Variants in COL21A1 observed in about 807,000 individuals in gnomAD.
COL21A1 encodes the protein collagen alpha-1(XXI) chain.
A neutral mutation model predicts 137.9 loss-of-function variants in COL21A1; 149 were observed. That is an observed-to-expected ratio of 1.08 (90% CI 0.95 to 1.24). The LOEUF (loss-of-function observed/expected upper bound fraction) is 1.24, where lower values mean the gene tolerates loss of function less well. COL21A1 is among the 50% of genes most tolerant of loss of function. The probability of loss-of-function intolerance (pLI) is 0.00; values close to 1 mark genes in which losing one functional copy is unlikely to be tolerated. For synonymous variants in COL21A1, 456 were observed against 391.5 expected (o/e 1.16, Z -1.95); for missense variants, 1,167 against 1,158.4 (o/e 1.01, Z -0.11).
intron 1 of COL21A1, among the ~76,000 whole-genome samples, chr6:56,279,725 C>T (rs1763750249): frequency 6.6e-6 from 1 of 152,204 alleles, no homozygotes; most frequent in Admixed American, 6.5e-5. Flanking sequence ...ACAACATTGT[C>T]TGTCAGCTTT....
At chr6:56,106,087 G>A in intron 16 of COL21A1, among the ~76,000 whole-genome samples, 1 of 152,116 alleles carries the variant, frequency 6.6e-6, no homozygotes, top group East Asian at 1.9e-4. Flanking sequence ...GGACTTCAAT[G>A]CAACTTCTAT....
intron 1 of COL21A1, among the ~76,000 whole-genome samples, chr6:56,202,855 A>T (rs9475620): frequency 0.022 from 3,290 of 152,292 alleles, 122 homozygotes; most frequent in African/African-American, 0.075. Context: ...AAGAATATAC[A>T]TGTCTATATA....
chr6:56,081,369 G>A (rs1053084394), intron 17 of COL21A1, among the ~76,000 whole-genome samples: 2 of 151,520 alleles, frequency 1.3e-5, no homozygotes, highest in African/African-American at 2.4e-5. Flanking sequence ...CCAACAAGTC[G>A]GCATTGCCCC....
At chr6:56,104,222 C>A (rs1217077104) in intron 16 of COL21A1, among the ~76,000 whole-genome samples, 1 of 152,000 alleles carries the variant, frequency 6.6e-6, no homozygotes, top group African/African-American at 2.4e-5. Flanking sequence ...TCTTTACAAT[C>A]ATTGGAGTAT....
intron 1 of COL21A1, among the ~76,000 whole-genome samples, chr6:56,380,064 G>A (rs2094006322): frequency 6.6e-6 from 1 of 152,178 alleles, no homozygotes; most frequent in African/African-American, 2.4e-5. Flanking sequence ...GGATCCTGGG[G>A]TAGATCCCTC....
intron 17 of COL21A1, among the ~76,000 whole-genome samples, chr6:56,085,886 G>C (rs922469463): frequency 4.7e-5 from 7 of 149,476 alleles, no homozygotes; most frequent in Admixed American, 2.0e-4. Context: ...ATTTCCAAGA[G>C]AGTATCATTT....
chr6:56,147,901 T>G (rs1177872891), intron 10 of COL21A1, among the ~76,000 whole-genome samples: 1 of 152,174 alleles, frequency 6.6e-6, no homozygotes, highest in Non-Finnish European at 1.5e-5. Context: ...CCCTGTCCTC[T>G]TTTTCTCTAG....
intron 1 of COL21A1, among the ~76,000 whole-genome samples, chr6:56,323,456 C>T (rs1764924246): frequency 6.6e-6 from 1 of 152,172 alleles, no homozygotes; most frequent in Non-Finnish European, 1.5e-5. Flanking sequence ...ATGGCACAAT[C>T]TCAGCTGTCT....
At chr6:56,111,721 A>C (rs1224153841) in intron 16 of COL21A1, among the ~76,000 whole-genome samples, 1 of 151,772 alleles carries the variant, frequency 6.6e-6, no homozygotes, top group Non-Finnish European at 1.5e-5. Flanking sequence ...AAAAAAAAAA[A>C]AAATCAGCCA....
chr6:56,126,265 G>A, intron 12 of COL21A1, 116 bp from the exon 13 acceptor site: 1 of 645,454 alleles, frequency 1.5e-6, no homozygotes, highest in Non-Finnish European at 2.7e-6. Flanking sequence ...TCTGCAAACA[G>A]TTAATTTCAT....
chr6:56,163,906 A>G (rs531932021), intron 9 of COL21A1, among the ~76,000 whole-genome samples: 14 of 152,318 alleles, frequency 9.2e-5, no homozygotes, highest in African/African-American at 3.1e-4. Flanking sequence ...GGAAATGACT[A>G]AAAGAATATT....
chr6:56,154,516 G>A (rs183449721), intron 10 of COL21A1, among the ~76,000 whole-genome samples: 2 of 151,918 alleles, frequency 1.3e-5, no homozygotes, highest in African/African-American at 4.8e-5. Context: ...AAATTTGCTA[G>A]CAATTCTAGT....
chr6:56,229,743 T>C (rs940410471), intron 1 of COL21A1, among the ~76,000 whole-genome samples: 1 of 151,868 alleles, frequency 6.6e-6, no homozygotes, highest in Non-Finnish European at 1.5e-5. Flanking sequence ...TGCAGAAATA[T>C]ATGTTAATTT....
chr6:56,295,180 C>T (rs1764135182), intron 1 of COL21A1, among the ~76,000 whole-genome samples: 1 of 151,684 alleles, frequency 6.6e-6, no homozygotes, highest in Non-Finnish European at 1.5e-5. Flanking sequence ...TTCAATTATT[C>T]CAGTAGCATT....
At chr6:56,180,456 T>C (rs1777811812) in intron 2 of COL21A1, among the ~76,000 whole-genome samples, 3 of 152,198 alleles carry the variant, frequency 2.0e-5, no homozygotes, top group South Asian at 2.1e-4. Flanking sequence ...CAAGATGAGT[T>C]TCTAAAGGTC....
intron 1 of COL21A1, among the ~76,000 whole-genome samples, chr6:56,335,792 A>G (rs6932738): frequency 0.68 from 102,738 of 152,072 alleles, 35,058 homozygotes; most frequent in East Asian, 0.9. Context: ...AACTGTATGG[A>G]GAAGCCAGGC....
chr6:56,313,382 A>G (rs1316707225), intron 1 of COL21A1, among the ~76,000 whole-genome samples: 2 of 151,990 alleles, frequency 1.3e-5, no homozygotes, highest in Admixed American at 6.6e-5. Flanking sequence ...TCATAACAAC[A>G]TATCATAGGA....
intron 1 of COL21A1, among the ~76,000 whole-genome samples, chr6:56,331,168 G>A (rs764399678): frequency 7.9e-5 from 12 of 151,548 alleles, no homozygotes; most frequent in Non-Finnish European, 1.3e-4. Flanking sequence ...TTGTTGGATT[G>A]TTTGAGTTCT....
intron 1 of COL21A1, among the ~76,000 whole-genome samples, chr6:56,323,492 C>G (rs1349589623): frequency 6.6e-6 from 1 of 152,140 alleles, no homozygotes; most frequent in Admixed American, 6.6e-5. Context: ...CGGATTCAAG[C>G]CATTCTCCTG....
Sources: gnomAD v4.1 joint callset for allele counts (sites outside exome capture counted in the v4.1 genomes callset) on GRCh38, gnomAD v4.1.1 for gene constraint, MANE v1.5 for transcripts, NCBI Gene and HGNC (gene_info 2026-07-23, HGNC 2026-07-21) for gene names.